Variants in NSMAF observed in about 807,000 individuals in gnomAD.
NSMAF encodes protein FAN.
A neutral mutation model predicts 134.9 loss-of-function variants in NSMAF; 90 were observed. The ratio of observed to expected loss-of-function variants is 0.67; its 90% confidence interval spans 0.56 to 0.79. The LOEUF (loss-of-function observed/expected upper bound fraction) is 0.79. Among genes scored for constraint, NSMAF ranks in the 30% least tolerant of loss-of-function variants. The pLI, the probability that NSMAF is intolerant of heterozygous loss-of-function variation, is 0.00. For missense variants in NSMAF, 1,010 were observed against 1,119.0 expected (o/e 0.90, Z 1.39); for synonymous variants, 358 against 389.6 (o/e 0.92, Z 0.96).
intron 1 of NSMAF, among the ~76,000 whole-genome samples, chr8:58,649,648 T>A (rs1241395702): frequency 6.6e-6 from 1 of 152,174 alleles, no homozygotes. Flanking sequence ...ATAAGTGAGT[T>A]CATGCTCAGT....
At chr8:58,597,605 A>ATGCGTGCTTTCAAG in intron 20 of NSMAF, 55 bp from the exon 21 acceptor site, 3 of 1,539,800 alleles carry the variant, frequency 1.9e-6, no homozygotes, top group Non-Finnish European at 2.7e-6. Context: ...GTTCCTTGAA[A>ATGCGTGCTTTCAAG]GCACGCATTT....
At chr8:58,641,749 T>A (rs1035451695) in intron 2 of NSMAF, among the ~76,000 whole-genome samples, 1 of 152,214 alleles carries the variant, frequency 6.6e-6, no homozygotes, top group Admixed American at 6.5e-5. Context: ...CTCTTTGAAA[T>A]GGTATCCTAG....
rs371500698 is a variant in NSMAF, at chr8:58,594,125, T to C, written c.1951+107A>G. 6 of 871,576 alleles carry C rather than the reference T, an allele frequency of 6.9e-6. No individual in the cohort carries two copies. In the African/African-American group the frequency reaches 8.3e-5, roughly 12 times the overall value. 54.0% of individuals were successfully genotyped at this position (871,576 alleles called of 1,614,324 possible). On this transcript the variant is annotated intron_variant, in intron 23 of 30. Transcript: ENST00000038176. Reference sequence around the variant, plus strand: ...AAGGAACTGCTCTAAGTTTACTTTATGTGGAGGCAGCACATGCAAGTGCAG... The same window carrying C: ...AAGGAACTGCTCTAAGTTTACTTTACGTGGAGGCAGCACATGCAAGTGCAG...
Position 58,659,569 on chromosome 8 carries a change from G to A in NSMAF, c.59+4C>T. The A allele has an allele frequency of 6.5e-7, 1 of 1,527,300 alleles. No homozygotes were observed. The highest frequency in any genetic ancestry group is 8.8e-7 in the Non-Finnish European group (1 of 1,138,432). 94.6% of individuals were successfully genotyped at this position (1,527,300 alleles called of 1,614,324 possible). ...GCTGGGCCCTTCTTCAGCTGGGCGC[G>A]CACCTCTCCTTGGAGTAGAGCTGCA... On this transcript the variant is annotated splice_donor_region_variant and intron_variant, in intron 1 of 30. Coordinates refer to ENST00000038176, the MANE Select transcript of NSMAF (RefSeq NM_003580.4).
At chr8:58,619,073 C>T (rs1020054581) in intron 9 of NSMAF, among the ~76,000 whole-genome samples, 1 of 152,144 alleles carries the variant, frequency 6.6e-6, no homozygotes, top group Non-Finnish European at 1.5e-5. Context: ...TCAGAAGAAG[C>T]TAATTCTTCT....
chr8:58,620,706 C>T (rs1357780407), intron 9 of NSMAF, among the ~76,000 whole-genome samples: 2 of 152,034 alleles, frequency 1.3e-5, no homozygotes, highest in Non-Finnish European at 2.9e-5. Context: ...TGTTACTGTT[C>T]TAGGAGCTGG....
chr8:58,648,618 C>T (rs1314328652), intron 1 of NSMAF, among the ~76,000 whole-genome samples: 1 of 152,198 alleles, frequency 6.6e-6, no homozygotes, highest in South Asian at 2.1e-4. Flanking sequence ...CCCAGCTTCC[C>T]ACTACCCCAT....
intron 1 of NSMAF, chr8:58,659,213 G>A (rs868124803): frequency 4.1e-6 from 6 of 1,461,246 alleles, no homozygotes; most frequent in African/African-American, 3.0e-5. Flanking sequence ...GCGAACGCCC[G>A]GGCTCGCGTG....
chr8:58,637,876 T>C (rs1807238642), intron 2 of NSMAF, among the ~76,000 whole-genome samples: 1 of 152,172 alleles, frequency 6.6e-6, no homozygotes, highest in Non-Finnish European at 1.5e-5. Context: ...GAAAGATATC[T>C]GGTGTTCACA....
chr8:58,585,684 G>A lies in NSMAF; in HGVS notation c.2627C>T (p.Ala876Val), dbSNP rs773178536. Residue 876 changes from alanine to valine, a missense_variant, in exon 30 of 31, where the codon GCA becomes GTA. By Grantham distance (64) the Ala-to-Val change is moderately conservative. Coordinates refer to ENST00000038176, the MANE Select transcript of NSMAF (RefSeq NM_003580.4). Reference sequence around the variant, plus strand: ...GCCCTGTATTCTCTCACTGATTTTTGCTCCAAGGAGGTCCCAAACGAGCAG... The same window carrying A: ...GCCCTGTATTCTCTCACTGATTTTTACTCCAAGGAGGTCCCAAACGAGCAG... ...GELLVWDLLG[A>V]KISERIQGHT... is the part of the protein sequence containing the mutation. 1.2e-6 allele frequency: 2 copies of A among 1,613,784 alleles called. No individual in the cohort carries two copies. Among genetic ancestry groups the A allele is most frequent in the Non-Finnish European group, 1.7e-6 (2 of 1,179,808 alleles).
At position 58,602,126 on chromosome 8, in the gene NSMAF, G is replaced by A; in HGVS notation, c.1057C>T (p.Pro353Ser). The A allele has an allele frequency of 6.2e-7, 1 of 1,612,806 alleles. No individual in the cohort carries two copies. The highest frequency in any genetic ancestry group is 1.7e-5 in the Admixed American group (1 of 59,980). ...YSSSELDLSN[P>S]GTFRDLSKPV... ...TTACTGAGATCCCGGAAGGTTCCTG[G>A]ATTTGACAAATCTATAAACATAAAT... Residue 353 changes from proline (P) to serine (S), a missense_variant, in exon 14 of 31, where the codon CCA becomes TCA. Physicochemically the swap from Pro to Ser is moderately conservative, Grantham distance 74. Transcript: ENST00000038176.
chr8:58,644,693 T>A (rs910969224), intron 1 of NSMAF, among the ~76,000 whole-genome samples: 12 of 152,112 alleles, frequency 7.9e-5, no homozygotes, highest in African/African-American at 2.7e-4. Context: ...CTGTTCACAA[T>A]AGCAAAGACT....
intron 2 of NSMAF, among the ~76,000 whole-genome samples, chr8:58,639,353 ATCC>A (rs1807278028): frequency 6.6e-6 from 1 of 152,068 alleles, no homozygotes; most frequent in African/African-American, 2.4e-5. Flanking sequence ...ATATGAAAAG[ATCC>A]TCAGCAGCCT....
intron 27 of NSMAF, among the ~76,000 whole-genome samples, chr8:58,587,026 A>G (rs980766209): frequency 2.0e-5 from 3 of 152,228 alleles, no homozygotes; most frequent in South Asian, 4.1e-4. Context: ...CATGAATTAC[A>G]TACTAAATAT....
Position 58,602,196 on chromosome 8 carries a change from A to G in NSMAF, c.1046-59T>C, listed in dbSNP as rs1180539166. The G allele has an allele frequency of 3.1e-6, 4 of 1,292,792 alleles. No individual in the cohort carries two copies. The African/African-American group carries it at 4.5e-5, about 14-fold the overall frequency. The allele number at this position is 1,292,792 out of a possible 1,614,324, so 80.1% of individuals were successfully genotyped here. Reference sequence around the variant, plus strand: ...ATACTTAGTACCATTAACCTCCTGAATTAATTCAAATATACACATTTACTT... The same window carrying G: ...ATACTTAGTACCATTAACCTCCTGAGTTAATTCAAATATACACATTTACTT... On this transcript the variant is annotated intron_variant, in intron 13 of 30. Transcript: ENST00000038176.
At position 58,597,464 on chromosome 8, in the gene NSMAF, T is replaced by C; in HGVS notation, c.1715A>G (p.His572Arg). 6.2e-7 allele frequency: 1 copy of C among 1,614,156 alleles called. No individual in the cohort carries two copies. Among genetic ancestry groups the C allele is most frequent in the Non-Finnish European group, 8.5e-7 (1 of 1,179,958 alleles). ...QTPKQLFVTP[H>R]PRRITPKFKS... ...AAACTTTGGGGTGATCCTTCGAGGA[T>C]GTGGTGTCACAAATAGTTGTTTTGG... Residue 572 changes from histidine (H) to arginine (R), a missense_variant, in exon 21 of 31, where the codon CAT (histidine) becomes CGT (arginine). By Grantham distance (29) the His-to-Arg change is conservative (BLOSUM62 0). Coordinates refer to ENST00000038176, the MANE Select transcript of NSMAF (RefSeq NM_003580.4).
chr8:58,600,759 C>T (rs902920791), intron 16 of NSMAF, among the ~76,000 whole-genome samples: 1 of 115,428 alleles, frequency 8.7e-6, no homozygotes, highest in Non-Finnish European at 2.1e-5. Flanking sequence ...ATTATTATCT[C>T]AGTGTGGTGG....
At chr8:58,632,463 T>A (rs368159110) in intron 5 of NSMAF, among the ~76,000 whole-genome samples, 7 of 152,354 alleles carry the variant, frequency 4.6e-5, no homozygotes, top group African/African-American at 1.7e-4. Flanking sequence ...TCTCAGAGCA[T>A]GTGACAGAGC....
chr8:58,624,023 T>A (rs549057145), intron 6 of NSMAF, among the ~76,000 whole-genome samples: 1 of 149,670 alleles, frequency 6.7e-6, no homozygotes, highest in African/African-American at 2.5e-5. Context: ...ACCCTTAAGG[T>A]ATAGAGTTAG....
Sources: gnomAD v4.1 joint callset for allele counts (sites outside exome capture counted in the v4.1 genomes callset) on GRCh38, gnomAD v4.1.1 for gene constraint, MANE v1.5 for transcripts, NCBI Gene and HGNC (gene_info 2026-07-23, HGNC 2026-07-21) for gene names.